MYO1D: variants seen among roughly 807,000 people sequenced by gnomAD.
MYO1D encodes the protein myosin ID, also known as unconventional myosin-Id.
Under a neutral mutation model 122.0 loss-of-function variants are expected in MYO1D, and 83 were observed. The ratio of observed to expected loss-of-function variants is 0.68; its 90% CI spans 0.57 to 0.82. The LOEUF (loss-of-function observed/expected upper bound fraction) is 0.82, where lower values mean the gene tolerates loss of function less well. Ranked by LOEUF, MYO1D falls within the 40% of genes least tolerant of loss-of-function variation. The pLI, the probability that MYO1D is intolerant of heterozygous loss-of-function variation, is 0.00. For synonymous variants in MYO1D, 464 were observed against 446.9 expected, an observed-to-expected ratio of 1.04 and a Z score of -0.48; for missense variants, 1,157 against 1,269.5, an observed-to-expected ratio of 0.91 and a Z score of 1.35.
At chr17:32,597,882 A>G (rs904474047) in intron 21 of MYO1D, among the ~76,000 whole-genome samples, 30 of 151,162 alleles carry the variant, frequency 2.0e-4, no homozygotes, top group African/African-American at 7.3e-4. Context: ...AAAAAAAAAA[A>G]AAAAAAAAAA....
chr17:32,588,055 G>T (rs2087406972), intron 21 of MYO1D, among the ~76,000 whole-genome samples: 1 of 152,194 alleles, frequency 6.6e-6, no homozygotes, highest in African/African-American at 2.4e-5. Context: ...TAAATTAGAT[G>T]AATTAGTCAT....
At chr17:32,612,336 G>T (rs1221776396) in intron 20 of MYO1D, among the ~76,000 whole-genome samples, 1 of 152,076 alleles carries the variant, frequency 6.6e-6, no homozygotes, top group African/African-American at 2.4e-5. Context: ...AGGCAAAACC[G>T]CAAATATTTA....
chr17:32,549,433 A>C (rs971773066), intron 21 of MYO1D, among the ~76,000 whole-genome samples: 11 of 152,186 alleles, frequency 7.2e-5, no homozygotes, highest in Admixed American at 1.3e-4. Context: ...GTTAAAGATA[A>C]GTAGTGAGCA....
At chr17:32,535,555 G>A (rs1910637142) in intron 21 of MYO1D, among the ~76,000 whole-genome samples, 1 of 152,234 alleles carries the variant, frequency 6.6e-6, no homozygotes, top group South Asian at 2.1e-4. Context: ...AGACCAGCCT[G>A]GCCAACATGG....
intron 20 of MYO1D, among the ~76,000 whole-genome samples, chr17:32,610,021 C>G (rs1258929660): frequency 6.6e-6 from 1 of 152,196 alleles, no homozygotes; most frequent in Non-Finnish European, 1.5e-5. Context: ...TGATGTAGCA[C>G]TTCACAGGAG....
intron 16 of MYO1D, among the ~76,000 whole-genome samples, chr17:32,706,103 A>C (rs923677042): frequency 6.6e-6 from 1 of 152,080 alleles, no homozygotes; most frequent in African/African-American, 2.4e-5. Flanking sequence ...TCTACAACTT[A>C]CCAATAAATC....
At chr17:32,613,272 G>A (rs1455836965) in intron 20 of MYO1D, among the ~76,000 whole-genome samples, 1 of 152,002 alleles carries the variant, frequency 6.6e-6, no homozygotes, top group Non-Finnish European at 1.5e-5. Flanking sequence ...TGGAAAAAGA[G>A]AAAAATCATA....
intron 14 of MYO1D, among the ~76,000 whole-genome samples, chr17:32,730,392 A>AC (rs2089623518): frequency 6.6e-6 from 1 of 152,168 alleles, no homozygotes; most frequent in African/African-American, 2.4e-5. Context: ...GAGTTCATTT[A>AC]CATGCATCTA....
At chr17:32,524,529 A>AC (rs2150869306) in intron 21 of MYO1D, among the ~76,000 whole-genome samples, 1 of 149,102 alleles carries the variant, frequency 6.7e-6, no homozygotes, top group Non-Finnish European at 1.5e-5. Flanking sequence ...AGTAGCTGGG[A>AC]CCACACAGGT....
At chr17:32,650,391 T>C (rs1180935813) in intron 19 of MYO1D, among the ~76,000 whole-genome samples, 1 of 152,232 alleles carries the variant, frequency 6.6e-6, no homozygotes, top group Non-Finnish European at 1.5e-5. Context: ...TCATGTTTCT[T>C]GTGCTTAGTG....
At chr17:32,628,745 A>G (rs895855113) in intron 20 of MYO1D, among the ~76,000 whole-genome samples, 5 of 152,242 alleles carry the variant, frequency 3.3e-5, no homozygotes, top group African/African-American at 1.2e-4. Context: ...ACTATCAAAT[A>G]CTGATGAGGA....
In MYO1D at chr17:32,644,543, GA is replaced by G. The variant is rs538592372; in HGVS notation, c.2596-5709del. ...AAAGTCTCCCATTATTATTGTGTGG[GA>G]GTCTAAGTCTCTTTGTAGGTCTCTA... On this transcript the variant is annotated intron_variant, in intron 19 of 21. Transcript: ENST00000318217. Among the ~76,000 whole-genome samples the G allele has an allele frequency of 2.6e-5, 4 of 152,266 alleles. No homozygotes were observed. The South Asian group carries it at 8.3e-4, about 32-fold the overall frequency.
At chr17:32,538,492 G>T (rs1475403568) in intron 21 of MYO1D, among the ~76,000 whole-genome samples, 6 of 151,052 alleles carry the variant, frequency 4.0e-5, no homozygotes, top group African/African-American at 1.5e-4. Flanking sequence ...TAGAGATGGG[G>T]TCTTGCTGTG....
At chr17:32,545,618 C>T (rs1212535476) in intron 21 of MYO1D, among the ~76,000 whole-genome samples, 1 of 152,176 alleles carries the variant, frequency 6.6e-6, no homozygotes, top group Non-Finnish European at 1.5e-5. Context: ...CATTGTTCTA[C>T]CAGCCATATG....
intron 15 of MYO1D, 56 bp downstream of exon 15, chr17:32,720,967 G>T: frequency 1.3e-6 from 2 of 1,533,078 alleles, no homozygotes. Context: ...ACTATTGTAC[G>T]GGGAGGACTC....
chr17:32,544,184 C>G (rs1168011310), intron 21 of MYO1D, among the ~76,000 whole-genome samples: 6 of 151,640 alleles, frequency 4.0e-5, no homozygotes, highest in African/African-American at 1.5e-4. Flanking sequence ...CAGCCTTGAC[C>G]TCCCGCACTC....
chr17:32,794,706 C>T lies in MYO1D; in HGVS notation c.96-13922G>A, dbSNP rs2090394411. Reference sequence around the variant, plus strand: ...GCAGCAGTGTTTGAGGAATCCAGAGCAGGGCATGTGACTATACCACAGCAG... The same window carrying T: ...GCAGCAGTGTTTGAGGAATCCAGAGTAGGGCATGTGACTATACCACAGCAG... On this transcript the variant is annotated intron_variant, in intron 1 of 21. Transcript: ENST00000318217. 2.6e-5 allele frequency among the ~76,000 whole-genome samples: 4 copies of T among 152,054 alleles called. No individual in the cohort carries two copies. The South Asian group carries it at 8.3e-4, about 32-fold the overall frequency.
chr17:32,739,729 T>C (rs892024819), intron 13 of MYO1D, among the ~76,000 whole-genome samples: 1 of 152,174 alleles, frequency 6.6e-6, no homozygotes, highest in African/African-American at 2.4e-5. Context: ...TTTTACCCAC[T>C]TTTTTTCCCT....
At chr17:32,753,257 G>GT (rs1555537373) in intron 11 of MYO1D, among the ~76,000 whole-genome samples, 2 of 151,816 alleles carry the variant, frequency 1.3e-5, no homozygotes, top group Admixed American at 1.3e-4. Flanking sequence ...AAAGCAGGGG[G>GT]TGAGAGTTGA....
Sources: gnomAD v4.1 joint callset for allele counts (sites outside exome capture counted in the v4.1 genomes callset) on GRCh38, gnomAD v4.1.1 for gene constraint, MANE v1.5 for transcripts, NCBI Gene and HGNC (gene_info 2026-07-23, HGNC 2026-07-21) for gene names.